Variants in ZNF777 observed in about 807,000 individuals in gnomAD.
ZNF777 encodes the protein zinc finger protein 777.
In ZNF777, 7 loss-of-function variants were observed where a neutral mutation model predicts 72.1. The observed-to-expected ratio is 0.10, with a 90% confidence interval of 0.06 to 0.18. The LOEUF (loss-of-function observed/expected upper bound fraction) is 0.18. Ranked by LOEUF, ZNF777 falls within the 10% of genes least tolerant of loss-of-function variation. The probability of loss-of-function intolerance (pLI) is 1.00; values close to 1 mark genes in which losing one functional copy is unlikely to be tolerated. For missense variants in ZNF777, 828 were observed against 1,128.6 expected (o/e 0.73, Z 3.82); for synonymous variants, 545 against 483.5 (o/e 1.13, Z -1.67).
intron 4 of ZNF777, among the ~76,000 whole-genome samples, chr7:149,445,682 C>G (rs1270863692): frequency 1.3e-5 from 2 of 152,138 alleles, no homozygotes; most frequent in Admixed American, 1.3e-4. Flanking sequence ...AATATGGTGC[C>G]CCACCCTCAA....
At chr7:149,442,542 C>T (rs1422583712) in intron 4 of ZNF777, among the ~76,000 whole-genome samples, 1 of 151,508 alleles carries the variant, frequency 6.6e-6, no homozygotes, top group Non-Finnish European at 1.5e-5. Flanking sequence ...ATAGCCTGAA[C>T]CCAGGAGGTG....
At chr7:149,451,760 C>G (rs1300381257) in intron 3 of ZNF777, among the ~76,000 whole-genome samples, 1 of 152,056 alleles carries the variant, frequency 6.6e-6, no homozygotes, top group Non-Finnish European at 1.5e-5. Context: ...GATAGATTTT[C>G]TTACATAAAA....
At chr7:149,449,351 G>C (rs1436306604) in intron 4 of ZNF777, among the ~76,000 whole-genome samples, 1 of 152,226 alleles carries the variant, frequency 6.6e-6, no homozygotes, top group African/African-American at 2.4e-5. Flanking sequence ...GCATGTGTCA[G>C]AACAAACCCA....
chr7:149,433,437 A>G (rs1217226805), intron 5 of ZNF777, among the ~76,000 whole-genome samples: 1 of 152,104 alleles, frequency 6.6e-6, no homozygotes, highest in Non-Finnish European at 1.5e-5. Flanking sequence ...AAGGGTCTCC[A>G]CTCCTAAGGT....
At chr7:149,458,465 G>GTC (rs1448007100) in intron 1 of ZNF777, among the ~76,000 whole-genome samples, 2 of 152,090 alleles carry the variant, frequency 1.3e-5, no homozygotes, top group East Asian at 1.9e-4. Context: ...GAGCAAGTTA[G>GTC]TCTCTCTGAG....
intron 4 of ZNF777, among the ~76,000 whole-genome samples, chr7:149,446,536 AT>A (rs1799606291): frequency 6.6e-6 from 1 of 152,168 alleles, no homozygotes. Context: ...ATAGAGAAAT[AT>A]GGCTTTGGTA....
chr7:149,460,145 A>C lies in ZNF777; in HGVS notation c.-16+670T>G. ...CACAGGAGCCGGGGCCGCCTCGGCC[A>C]TGGCCCTGCGCTGTCCGGCCCGGGC... On this transcript the variant is annotated intron_variant, in intron 1 of 5. Coordinates refer to ENST00000247930, the MANE Select transcript of ZNF777 (RefSeq NM_015694.3). This position sits in a 1 kb window ranked among gnomAD's most constrained non-coding sequence, Gnocchi z 6.1. 1 of 976,930 alleles carries C rather than the reference A, an allele frequency of 1.0e-6. No homozygotes were observed. Among genetic ancestry groups the C allele is most frequent in the Non-Finnish European group, 1.2e-6 (1 of 824,822 alleles). 60.5% of individuals were successfully genotyped at this position (976,930 alleles called of 1,614,324 possible).
chr7:149,448,581 A>ATATATATATATATATAAC (rs1563237822), intron 4 of ZNF777, among the ~76,000 whole-genome samples: 1 of 17,708 alleles, frequency 5.6e-5, no homozygotes, highest in African/African-American at 5.1e-4. Flanking sequence ...ACATATAACT[A>ATATATATATATATATAAC]TATATATATA....
intron 4 of ZNF777, among the ~76,000 whole-genome samples, chr7:149,440,130 T>G (rs946281011): frequency 6.6e-6 from 1 of 152,220 alleles, no homozygotes; most frequent in Non-Finnish European, 1.5e-5. Context: ...CATCAAAAAC[T>G]GTTTCTAATG....
intron 2 of ZNF777, among the ~76,000 whole-genome samples, chr7:149,454,863 A>T (rs1181149117): frequency 6.6e-6 from 1 of 152,144 alleles, no homozygotes; most frequent in Non-Finnish European, 1.5e-5. Flanking sequence ...AAGCTAATGC[A>T]CCCTCAGTGA....
At chr7:149,452,739 G>A (rs1425008224) in intron 3 of ZNF777, among the ~76,000 whole-genome samples, 1 of 152,058 alleles carries the variant, frequency 6.6e-6, no homozygotes, top group Non-Finnish European at 1.5e-5. Context: ...GCCAGGGTAT[G>A]AAGTGGCATT....
intron 1 of ZNF777, chr7:149,459,801 C>G (rs1206424385): frequency 1.0e-6 from 1 of 984,772 alleles, no homozygotes; most frequent in Admixed American, 6.2e-5. Context: ...GGAAAACGTG[C>G]CGGCGGCTAC....
At chr7:149,454,073 G>A (rs376032908) in intron 3 of ZNF777, 38 bp downstream of exon 3, 9 of 1,612,342 alleles carry the variant, frequency 5.6e-6, no homozygotes, top group African/African-American at 4.0e-5. Flanking sequence ...TTGAGCTGGC[G>A]TCCAGGCAGC....
At chr7:149,435,329 C>T (rs1342473875) in intron 5 of ZNF777, among the ~76,000 whole-genome samples, 1 of 152,124 alleles carries the variant, frequency 6.6e-6, no homozygotes, top group African/African-American at 2.4e-5. Flanking sequence ...CGCCACCATT[C>T]CCGGCTAATT....
At chr7:149,440,628 G>A (rs890922795) in intron 4 of ZNF777, among the ~76,000 whole-genome samples, 2 of 149,484 alleles carry the variant, frequency 1.3e-5, no homozygotes. Flanking sequence ...ACAGAGCTAC[G>A]ATTACAGGCA....
intron 4 of ZNF777, among the ~76,000 whole-genome samples, chr7:149,443,833 T>G (rs1034759376): frequency 1.3e-5 from 2 of 152,186 alleles, no homozygotes; most frequent in Non-Finnish European, 2.9e-5. Flanking sequence ...CCTCAAGTGA[T>G]CCACCTGCCT....
chr7:149,455,642 G>A lies in ZNF777; in HGVS notation c.381C>T (p.Ala127=), dbSNP rs778088381. 2 of 1,576,450 alleles carry A rather than the reference G, an allele frequency of 1.3e-6. No individual in the cohort carries two copies. Among genetic ancestry groups the A allele is most frequent in the Non-Finnish European group, 1.7e-6 (2 of 1,162,370 alleles). Residue 127 remains alanine (A), a synonymous_variant, in exon 2 of 6, where the codon GCC becomes GCT. Coordinates refer to ENST00000247930, the MANE Select transcript of ZNF777 (RefSeq NM_015694.3). The surrounding 1 kb of genome is among the most constrained non-coding windows in gnomAD (Gnocchi z 4.2). ...LLSHSPHHQE[A]PVHSPEAPEK... is the part of the protein sequence containing the mutation. ...CAGGAGCTTCAGGGGAGTGAACGGG[G>A]GCTTCCTGGTGGTGGGGGGAGTGGG...
rs796721387 is a variant in ZNF777, at chr7:149,437,799, C to CTTT, written c.1088-976_1088-974dup. Reference sequence around the variant, plus strand: ...CACATACACATTTATATGTTTGTTTCTTTTTCTTTTTTTTTTTTTTTTGTC... The same window carrying CTTT: ...CACATACACATTTATATGTTTGTTTCTTTTTTTTCTTTTTTTTTTTTTTTTGTC... On this transcript the variant is annotated intron_variant, in intron 4 of 5. Transcript: ENST00000247930. Among the ~76,000 whole-genome samples the CTTT allele has an allele frequency of 1.1e-3, 125 of 115,634 alleles. 1 individual carries two copies. The highest frequency in any genetic ancestry group is 1.4e-3 in the African/African-American group (40 of 29,360). 75.9% of individuals were successfully genotyped at this position (115,634 alleles called of 152,430 possible). A position where few individuals can be genotyped will look rare whatever the true frequency, so the allele number is the denominator to read the frequency against.
intron 5 of ZNF777, among the ~76,000 whole-genome samples, chr7:149,434,699 C>T (rs190926849): frequency 1.3e-5 from 2 of 152,246 alleles, no homozygotes; most frequent in East Asian, 3.9e-4. Context: ...TCTCGTGCCT[C>T]AGCCTCCCGA....
Sources: gnomAD v4.1 joint callset for allele counts (sites outside exome capture counted in the v4.1 genomes callset) on GRCh38, gnomAD v4.1.1 for gene constraint, Gnocchi (gnomAD v3.1) non-coding constraint, MANE v1.5 for transcripts, NCBI Gene and HGNC (gene_info 2026-07-23, HGNC 2026-07-21) for gene names.